Variants in OPCML observed in about 807,000 individuals in gnomAD.
OPCML encodes opioid-binding protein/cell adhesion molecule.
Under a neutral mutation model 37.8 loss-of-function variants are expected in OPCML, and 13 were observed. That is an observed-to-expected ratio of 0.34 (90% CI 0.22 to 0.55). The LOEUF (loss-of-function observed/expected upper bound fraction) is 0.55, where lower values mean the gene tolerates loss of function less well. OPCML is among the 20% of genes least tolerant of loss of function. OPCML has a pLI of 0.91. For missense variants in OPCML, 341 were observed against 435.6 expected (o/e 0.78, Z 1.93); for synonymous variants, 176 against 168.8 (o/e 1.04, Z -0.33).
At chr11:132,684,036 C>T (rs1426805131) in intron 2 of OPCML, among the ~76,000 whole-genome samples, 3 of 152,074 alleles carry the variant, frequency 2.0e-5, no homozygotes, top group East Asian at 1.9e-4. Context: ...ACATTTGTTA[C>T]ACACCAAAAA....
chr11:133,374,248 G>A (rs1392839901), intron 1 of OPCML, among the ~76,000 whole-genome samples: 2 of 152,160 alleles, frequency 1.3e-5, no homozygotes, highest in East Asian at 3.9e-4. Context: ...CCTAGGCTAT[G>A]AGTCCATGTA....
intron 1 of OPCML, among the ~76,000 whole-genome samples, chr11:133,146,440 G>A (rs1205509481): frequency 2.0e-5 from 3 of 151,018 alleles, no homozygotes; most frequent in Non-Finnish European, 4.4e-5. Context: ...TCAGCCTCTC[G>A]AGTAGCTGGG....
At chr11:133,262,110 A>G (rs1941513545) in intron 1 of OPCML, among the ~76,000 whole-genome samples, 1 of 152,166 alleles carries the variant, frequency 6.6e-6, no homozygotes, top group South Asian at 2.1e-4. Context: ...TACGCTTTTG[A>G]TGTACGGCAT....
chr11:132,618,119 T>A (rs1939151604), intron 3 of OPCML, among the ~76,000 whole-genome samples: 1 of 152,244 alleles, frequency 6.6e-6, no homozygotes, highest in South Asian at 2.1e-4. Context: ...TTGATGGAAG[T>A]GCTGCCACCT....
intron 1 of OPCML, among the ~76,000 whole-genome samples, chr11:133,052,948 T>A (rs893502531): frequency 6.6e-6 from 1 of 152,232 alleles, no homozygotes. Context: ...TTTTGAGATA[T>A]CTGAATTAAA....
intron 2 of OPCML, among the ~76,000 whole-genome samples, chr11:132,891,615 C>T (rs1298239470): frequency 6.6e-6 from 1 of 152,086 alleles, no homozygotes; most frequent in African/African-American, 2.4e-5. Flanking sequence ...GAGAGCAAGG[C>T]TTTTATCTCT....
At chr11:132,936,167 T>G (rs1188712463) in intron 2 of OPCML, among the ~76,000 whole-genome samples, 1 of 152,194 alleles carries the variant, frequency 6.6e-6, no homozygotes, top group Non-Finnish European at 1.5e-5. Context: ...AGCAGACAGC[T>G]GCAGCCTTCA....
intron 3 of OPCML, among the ~76,000 whole-genome samples, chr11:132,562,380 C>T (rs904855405): frequency 6.6e-6 from 1 of 151,746 alleles, no homozygotes; most frequent in East Asian, 2.0e-4. Context: ...CCAGAGGAGT[C>T]GTTTGTTGGC....
At chr11:132,721,723 G>A (rs1470245314) in intron 2 of OPCML, among the ~76,000 whole-genome samples, 1 of 152,186 alleles carries the variant, frequency 6.6e-6, no homozygotes, top group Non-Finnish European at 1.5e-5. Flanking sequence ...GGTTTGTGCA[G>A]TGGTGGGGTA....
In OPCML at chr11:133,504,127, C is replaced by A. The variant is rs1947977599; in HGVS notation, c.61+28137G>T. Among the ~76,000 whole-genome samples, 3 of 152,168 alleles carry A rather than the reference C, an allele frequency of 2.0e-5. No homozygotes were observed. In the South Asian group the frequency reaches 6.2e-4, roughly 32 times the overall value. On this transcript the variant is annotated intron_variant, in intron 1 of 7. Transcript: ENST00000524381. ...ATCAGAGAACTCATCTGCCACCTAA[C>A]CTCAGGGAAGTCACTATCTGGGGCT...
At chr11:132,891,840 C>A (rs1333082717) in intron 2 of OPCML, among the ~76,000 whole-genome samples, 1 of 152,188 alleles carries the variant, frequency 6.6e-6, no homozygotes, top group African/African-American at 2.4e-5. Context: ...CCAGATTTTT[C>A]AATTTCCATG....
chr11:132,767,519 A>T (rs2136113086), intron 2 of OPCML, among the ~76,000 whole-genome samples: 1 of 152,136 alleles, frequency 6.6e-6, no homozygotes, highest in African/African-American at 2.4e-5. Flanking sequence ...AGACTTCTCC[A>T]CTCTCTGGCA....
At chr11:132,676,425 T>C (rs1440918027) in intron 2 of OPCML, among the ~76,000 whole-genome samples, 1 of 151,880 alleles carries the variant, frequency 6.6e-6, no homozygotes, top group African/African-American at 2.4e-5. Context: ...AATAAAAAAA[T>C]TGATAAATTG....
intron 2 of OPCML, among the ~76,000 whole-genome samples, chr11:132,914,486 C>G (rs960671420): frequency 6.6e-6 from 1 of 152,122 alleles, no homozygotes; most frequent in Non-Finnish European, 1.5e-5. Flanking sequence ...GAAAAATAAC[C>G]AGAAATTAAA....
intron 1 of OPCML, among the ~76,000 whole-genome samples, chr11:132,974,323 A>G (rs558649557): frequency 1.6e-4 from 24 of 152,254 alleles, no homozygotes; most frequent in Non-Finnish European, 2.8e-4. Context: ...TCCATTTCTC[A>G]TCTCCCCATC....
intron 2 of OPCML, among the ~76,000 whole-genome samples, chr11:132,914,253 C>T (rs1216276803): frequency 6.6e-6 from 1 of 152,206 alleles, no homozygotes; most frequent in Non-Finnish European, 1.5e-5. Context: ...GACTGAGACT[C>T]TTCGATATCT....
At chr11:132,979,059 T>C (rs1052060722) in intron 1 of OPCML, among the ~76,000 whole-genome samples, 1 of 152,158 alleles carries the variant, frequency 6.6e-6, no homozygotes, top group African/African-American at 2.4e-5. Flanking sequence ...CCTTGACTCT[T>C]TCCACCCTCT....
intron 1 of OPCML, among the ~76,000 whole-genome samples, chr11:133,214,033 A>T (rs1176945186): frequency 6.6e-6 from 1 of 152,198 alleles, no homozygotes; most frequent in Admixed American, 6.5e-5. Context: ...ACTCAATGGC[A>T]TAACAATATT....
intron 3 of OPCML, among the ~76,000 whole-genome samples, chr11:132,578,702 G>T (rs1361016821): frequency 6.6e-6 from 1 of 152,154 alleles, no homozygotes; most frequent in Non-Finnish European, 1.5e-5. Flanking sequence ...TTTGAATAAA[G>T]AAAACAACAG....
Sources: allele counts gnomAD v4.1 joint callset (sites outside exome capture counted in the v4.1 genomes callset), GRCh38; gene constraint gnomAD v4.1.1; transcripts MANE v1.5; gene names NCBI Gene and HGNC (gene_info 2026-07-23, HGNC 2026-07-21).